The following ZFAND3 variants were observed in gnomAD, a reference collection of about 807,000 sequenced individuals.
The protein encoded by ZFAND3 is AN1-type zinc finger protein 3.
Under a neutral mutation model 29.6 loss-of-function variants are expected in ZFAND3, and 10 were observed. The observed-to-expected ratio is 0.34, with a 90% CI of 0.21 to 0.57. The LOEUF is 0.57. Ranked by LOEUF, ZFAND3 falls within the 20% of genes least tolerant of loss-of-function variation. The pLI is 0.86. For synonymous variants in ZFAND3, 128 were observed against 112.6 expected (o/e 1.14, Z -0.87); for missense variants, 230 against 304.5 (o/e 0.76, Z 1.82).
intron 2 of ZFAND3, among the ~76,000 whole-genome samples, chr6:37,991,832 CT>C (rs1431901210): frequency 2.0e-5 from 3 of 152,070 alleles, no homozygotes; most frequent in African/African-American, 7.2e-5. Flanking sequence ...GTTTTTTAAT[CT>C]TTTAGCTTTT....
At chr6:38,103,049 G>T (rs1037052413) in intron 4 of ZFAND3, among the ~76,000 whole-genome samples, 1 of 152,136 alleles carries the variant, frequency 6.6e-6, no homozygotes, top group African/African-American at 2.4e-5. Flanking sequence ...GAGCCACCGC[G>T]CCTGGCTGGA....
chr6:38,130,957 T>C (rs1326711571), intron 5 of ZFAND3, among the ~76,000 whole-genome samples: 1 of 152,144 alleles, frequency 6.6e-6, no homozygotes, highest in East Asian at 1.9e-4. Context: ...TTTGTTGATA[T>C]ATTTTTAATT....
At chr6:37,820,071 G>C in intron 1 of ZFAND3, 55 bp downstream of exon 1, 1 of 1,189,210 alleles carries the variant, frequency 8.4e-7, no homozygotes, top group East Asian at 3.6e-5. Context: ...GCAGACGCCA[G>C]GGCAGCCTGG....
At chr6:37,842,876 C>T (rs1236561884) in intron 1 of ZFAND3, among the ~76,000 whole-genome samples, 5 of 151,968 alleles carry the variant, frequency 3.3e-5, no homozygotes, top group Non-Finnish European at 4.4e-5. Context: ...AATCCCAGCA[C>T]ATTGGGAGGC....
rs143686461 is a variant in ZFAND3 at position 38,082,524 on chromosome 6, C to T, written c.361+67C>T. On this transcript the variant is annotated intron_variant, in intron 4 of 5. Coordinates refer to ENST00000287218, the MANE Select transcript of ZFAND3 (RefSeq NM_021943.3). ...TCTTCACAGAAGTTAGCAACTGGTTCTAACTTGGTGTGCTTCTCAGGGTAC... is the reference window on the plus strand; with the variant it reads ...TCTTCACAGAAGTTAGCAACTGGTTTTAACTTGGTGTGCTTCTCAGGGTAC... 2.7e-6 allele frequency: 4 copies of T among 1,486,712 alleles called. No individual in the cohort carries two copies. The African/African-American group carries it at 4.1e-5, about 15-fold the overall frequency. 92.1% of individuals were successfully genotyped at this position (1,486,712 alleles called of 1,614,324 possible).
At chr6:37,858,955 A>G (rs1438429784) in intron 1 of ZFAND3, among the ~76,000 whole-genome samples, 2 of 152,180 alleles carry the variant, frequency 1.3e-5, no homozygotes, top group South Asian at 2.1e-4. Flanking sequence ...AGCATTGTGC[A>G]TGTCGTACTT....
intron 2 of ZFAND3, among the ~76,000 whole-genome samples, chr6:37,964,638 C>CT (rs1382672154): frequency 7.2e-5 from 11 of 152,190 alleles, no homozygotes; most frequent in Non-Finnish European, 1.3e-4. Flanking sequence ...GTTAAGTAGA[C>CT]TACTCTCTTA....
intron 2 of ZFAND3, among the ~76,000 whole-genome samples, chr6:37,948,665 G>A (rs1330709915): frequency 2.0e-5 from 3 of 152,124 alleles, no homozygotes; most frequent in Non-Finnish European, 2.9e-5. Context: ...GTATCCATGT[G>A]TACTTAATGT....
chr6:38,123,065 A>G (rs1765564603), intron 5 of ZFAND3, among the ~76,000 whole-genome samples: 1 of 152,358 alleles, frequency 6.6e-6, no homozygotes, highest in East Asian at 1.9e-4. Flanking sequence ...ATAGTTTTGA[A>G]TACAGTCAAC....
intron 1 of ZFAND3, among the ~76,000 whole-genome samples, chr6:37,927,214 T>G (rs1477774217): frequency 6.6e-6 from 1 of 152,184 alleles, no homozygotes; most frequent in Non-Finnish European, 1.5e-5. Flanking sequence ...AAAAAGGCCA[T>G]TTTGCCATTT....
intron 1 of ZFAND3, among the ~76,000 whole-genome samples, chr6:37,827,240 T>C (rs1053218562): frequency 1.3e-5 from 2 of 152,238 alleles, no homozygotes; most frequent in Admixed American, 1.3e-4. Context: ...GGAATTATAA[T>C]GTAGTCTGTA....
intron 2 of ZFAND3, among the ~76,000 whole-genome samples, chr6:37,979,268 C>G (rs1762540724): frequency 1.3e-5 from 2 of 152,132 alleles, no homozygotes; most frequent in Non-Finnish European, 2.9e-5. Flanking sequence ...ATTTCAACAC[C>G]TCTGTCAGTT....
chr6:37,999,782 G>A (rs1581827000), intron 2 of ZFAND3, among the ~76,000 whole-genome samples: 1 of 152,140 alleles, frequency 6.6e-6, no homozygotes, highest in Non-Finnish European at 1.5e-5. Flanking sequence ...ATGAGATCCT[G>A]GAATGGGAAA....
intron 2 of ZFAND3, among the ~76,000 whole-genome samples, chr6:37,986,903 T>C (rs977486390): frequency 6.6e-6 from 1 of 152,104 alleles, no homozygotes; most frequent in African/African-American, 2.4e-5. Context: ...AAAAAAAATC[T>C]AGAATGTTTA....
intron 2 of ZFAND3, among the ~76,000 whole-genome samples, chr6:37,989,081 T>TA (rs1762717174): frequency 1.3e-5 from 2 of 152,166 alleles, no homozygotes; most frequent in African/African-American, 4.8e-5. Context: ...TAATTTTTTG[T>TA]ATTTTTAGTA....
intron 5 of ZFAND3, 122 bp from the exon 6 acceptor site, chr6:38,152,113 C>CAG: frequency 5.4e-6 from 5 of 920,534 alleles, no homozygotes; most frequent in Non-Finnish European, 7.9e-6. Context: ...GGAACCCCTG[C>CAG]AGTGAGTGTT....
At chr6:37,913,388 G>A (rs367606933) in intron 1 of ZFAND3, among the ~76,000 whole-genome samples, 1 of 152,264 alleles carries the variant, frequency 6.6e-6, no homozygotes, top group East Asian at 1.9e-4. Context: ...TTTAACTCAA[G>A]AAACCATTTT....
chr6:38,096,359 G>A (rs562744739), intron 4 of ZFAND3, among the ~76,000 whole-genome samples: 1 of 152,232 alleles, frequency 6.6e-6, no homozygotes, highest in Non-Finnish European at 1.5e-5. Flanking sequence ...TTTTAGTAGA[G>A]GCGGGGTTTC....
chr6:38,144,216 A>T (rs1447535052), intron 5 of ZFAND3, among the ~76,000 whole-genome samples: 12 of 34,100 alleles, frequency 3.5e-4, no homozygotes, highest in South Asian at 3.1e-3. Context: ...TATATAATAT[A>T]TAATATATAT....
Sources: gnomAD v4.1 joint callset for allele counts (sites outside exome capture counted in the v4.1 genomes callset) on GRCh38, gnomAD v4.1.1 for gene constraint, MANE v1.5 for transcripts, NCBI Gene and HGNC (gene_info 2026-07-23, HGNC 2026-07-21) for gene names.